Variants in RBM47 observed in about 807,000 individuals in gnomAD.
The protein encoded by RBM47 is RNA-binding protein 47.
Under a neutral mutation model 47.1 loss-of-function variants are expected in RBM47, and 21 were observed. The ratio of observed to expected loss-of-function variants is 0.45; its 90% CI spans 0.32 to 0.64. The LOEUF (loss-of-function observed/expected upper bound fraction) is 0.64. Ranked by LOEUF, RBM47 falls within the 30% of genes least tolerant of loss-of-function variation. The pLI, the probability that RBM47 is intolerant of heterozygous loss-of-function variation, is 0.05. For synonymous variants in RBM47, 375 were observed against 361.7 expected (o/e 1.04, Z -0.42); for missense variants, 708 against 870.9 (o/e 0.81, Z 2.35).
intron 2 of RBM47, among the ~76,000 whole-genome samples, chr4:40,471,655 G>A (rs1163035230): frequency 2.0e-5 from 3 of 150,842 alleles, no homozygotes; most frequent in Non-Finnish European, 4.4e-5. Context: ...GATCGTGCCA[G>A]GCACTCCAGC....
chr4:40,462,575 C>CT (rs1245166559), intron 3 of RBM47, among the ~76,000 whole-genome samples: 1 of 152,126 alleles, frequency 6.6e-6, no homozygotes, highest in Admixed American at 6.5e-5. Context: ...CTGCTGTATC[C>CT]TAGTTACATG....
At chr4:40,501,051 A>C (rs1268086488) in intron 2 of RBM47, among the ~76,000 whole-genome samples, 1 of 152,174 alleles carries the variant, frequency 6.6e-6, no homozygotes, top group Non-Finnish European at 1.5e-5. Context: ...TGTTAAAAAA[A>C]AAAACAAAAC....
chr4:40,471,248 G>C (rs1718817493), intron 2 of RBM47, among the ~76,000 whole-genome samples: 1 of 152,064 alleles, frequency 6.6e-6, no homozygotes, highest in African/African-American at 2.4e-5. Flanking sequence ...ACCATTATAA[G>C]GATTACACAA....
intron 4 of RBM47, chr4:40,437,002 G>A: frequency 2.7e-6 from 1 of 364,252 alleles, no homozygotes; most frequent in Non-Finnish European, 5.5e-6. Flanking sequence ...CACTTTGGGA[G>A]GCTGAGGCGA....
At chr4:40,565,615 C>G (rs1266450426) in intron 1 of RBM47, among the ~76,000 whole-genome samples, 1 of 152,210 alleles carries the variant, frequency 6.6e-6, no homozygotes, top group African/African-American at 2.4e-5. Flanking sequence ...TATTCCGTGA[C>G]AATCCATCTG....
intron 1 of RBM47, among the ~76,000 whole-genome samples, chr4:40,575,349 C>G (rs1016032635): frequency 6.6e-6 from 1 of 151,952 alleles, no homozygotes; most frequent in East Asian, 1.9e-4. Flanking sequence ...GTCAGGAGTT[C>G]GAGACCAGCC....
intron 3 of RBM47, among the ~76,000 whole-genome samples, chr4:40,464,149 T>C (rs560498003): frequency 6.6e-6 from 1 of 152,366 alleles, no homozygotes; most frequent in East Asian, 1.9e-4. Flanking sequence ...AAATATTCAA[T>C]GGTATAAAAA....
chr4:40,579,309 C>A (rs1274183485), intron 1 of RBM47, among the ~76,000 whole-genome samples: 1 of 147,416 alleles, frequency 6.8e-6, no homozygotes, highest in African/African-American at 2.5e-5. Flanking sequence ...GTAGTCCCAG[C>A]TACTCAGGAG....
chr4:40,573,801 G>GAAAGAA (rs1732000350), intron 1 of RBM47, among the ~76,000 whole-genome samples: 1 of 102,694 alleles, frequency 9.7e-6, no homozygotes, highest in African/African-American at 5.9e-5. Context: ...GAGAGAGAAA[G>GAAAGAA]AAAGAAAAAG....
intron 2 of RBM47, among the ~76,000 whole-genome samples, chr4:40,519,480 A>G (rs1577870127): frequency 6.6e-6 from 1 of 151,180 alleles, no homozygotes; most frequent in East Asian, 2.0e-4. Flanking sequence ...TATTTTTAGT[A>G]GAGATGGGGT....
intron 2 of RBM47, among the ~76,000 whole-genome samples, chr4:40,518,254 G>A (rs1177439097): frequency 7.9e-6 from 1 of 126,094 alleles, no homozygotes; most frequent in Admixed American, 1.0e-4. Context: ...ATGGCTCACT[G>A]TAATCTCCAC....
intron 2 of RBM47, among the ~76,000 whole-genome samples, chr4:40,511,077 T>C (rs1158639380): frequency 6.6e-6 from 1 of 152,200 alleles, no homozygotes; most frequent in Non-Finnish European, 1.5e-5. Flanking sequence ...CAGTTTTTAC[T>C]TCATCCTGCA....
intron 6 of RBM47, among the ~76,000 whole-genome samples, chr4:40,429,923 G>A (rs747531124): frequency 3.9e-5 from 6 of 152,040 alleles, no homozygotes; most frequent in Admixed American, 3.3e-4. Flanking sequence ...GGCCGGGCGC[G>A]GTGGCTCACG....
At chr4:40,473,601 T>C (rs1719219858) in intron 2 of RBM47, among the ~76,000 whole-genome samples, 1 of 152,070 alleles carries the variant, frequency 6.6e-6, no homozygotes, top group Non-Finnish European at 1.5e-5. Flanking sequence ...TAGATAGGAG[T>C]TCAACTTTTT....
At position 40,438,178 on chromosome 4, in the gene RBM47, T is replaced by C. The variant is rs1219713637; in HGVS notation, c.716A>G (p.Glu239Gly). Reference sequence around the variant, plus strand: ...GATCTTCACGGTCTCCATCACGTCCTCGTCCACGTCGATCTCAGGTTCGGC... The same window carrying C: ...GATCTTCACGGTCTCCATCACGTCCCCGTCCACGTCGATCTCAGGTTCGGC... Reference protein sequence around the residue: ...DWAEPEIDVDEDVMETVKILY... With the variant: ...DWAEPEIDVDGDVMETVKILY... The change falls in exon 4 of 7, where the codon GAG (glutamate) becomes GGG (glycine). Residue 239 changes from glutamate to glycine, a missense_variant. Physicochemically the swap from Glu to Gly is moderately conservative, Grantham distance 98. Coordinates refer to ENST00000295971, the MANE Select transcript of RBM47 (RefSeq NM_001098634.2). 11 of 1,610,088 alleles carry C rather than the reference T, an allele frequency of 6.8e-6. No homozygotes were observed. The highest frequency in any genetic ancestry group is 9.3e-6 in the Non-Finnish European group (11 of 1,179,996).
rs1039611029 is a variant in RBM47, at chr4:40,536,973, C to T, written c.-155+7449G>A. On this transcript the variant is annotated intron_variant, in intron 2 of 6. Transcript: ENST00000295971. ...CAAACTCCTGATCTCAAATGATCTG[C>T]GCCCAGCCTGCCTTTTCAGTTTTGA... is the stretch of plus-strand genomic sequence containing the variant. 2.6e-5 allele frequency among the ~76,000 whole-genome samples: 4 copies of T among 152,212 alleles called. No homozygotes were observed. In the East Asian group the frequency reaches 5.8e-4, roughly 22 times the overall value.
chr4:40,519,457 C>T (rs1217176574), intron 2 of RBM47, among the ~76,000 whole-genome samples: 1 of 151,408 alleles, frequency 6.6e-6, no homozygotes, highest in East Asian at 2.0e-4. Flanking sequence ...ACCACCACAC[C>T]CGGCTAATTT....
At chr4:40,488,663 T>C (rs1039753471) in intron 2 of RBM47, among the ~76,000 whole-genome samples, 1 of 152,098 alleles carries the variant, frequency 6.6e-6, no homozygotes, top group African/African-American at 2.4e-5. Context: ...TGGTAGTACA[T>C]ACAGGAGAGT....
At chr4:40,592,680 T>C (rs1734270207) in intron 1 of RBM47, among the ~76,000 whole-genome samples, 1 of 151,098 alleles carries the variant, frequency 6.6e-6, no homozygotes, top group Non-Finnish European at 1.5e-5. Flanking sequence ...CACCTCAGCC[T>C]CCCAAAGTGC....
Sources: allele counts gnomAD v4.1 joint callset (sites outside exome capture counted in the v4.1 genomes callset), GRCh38; gene constraint gnomAD v4.1.1; transcripts MANE v1.5; gene names NCBI Gene and HGNC (gene_info 2026-07-23, HGNC 2026-07-21).